PLPPR1: variants seen among roughly 807,000 people sequenced by gnomAD.
The protein encoded by PLPPR1 is phospholipid phosphatase-related protein type 1.
Under a neutral mutation model 33.1 loss-of-function variants are expected in PLPPR1, and 10 were observed. That is an observed-to-expected ratio of 0.30 (90% confidence interval 0.19 to 0.51). The LOEUF is 0.51. Ranked by LOEUF, PLPPR1 falls within the 20% of genes least tolerant of loss-of-function variation. The probability of loss-of-function intolerance (pLI) is 0.97; values close to 1 mark genes in which losing one functional copy is unlikely to be tolerated. For missense variants in PLPPR1, 304 were observed against 408.1 expected (o/e 0.74, Z 2.20); for synonymous variants, 151 against 151.0 (o/e 1.00, Z 0.00).
chr9:101,121,722 G>C (rs929485340), intron 1 of PLPPR1, among the ~76,000 whole-genome samples: 6 of 152,146 alleles, frequency 3.9e-5, no homozygotes, highest in Non-Finnish European at 7.4e-5. Context: ...GATCATCTTA[G>C]ATTTACAAGA....
At chr9:101,083,389 G>GAA (rs11367880) in intron 1 of PLPPR1, among the ~76,000 whole-genome samples, 5 of 124,646 alleles carry the variant, frequency 4.0e-5, no homozygotes, top group Non-Finnish European at 5.1e-5. Context: ...TCCATCTCAA[G>GAA]AAAAAAAAAA....
intron 1 of PLPPR1, among the ~76,000 whole-genome samples, chr9:101,078,765 C>G (rs1486355850): frequency 6.6e-6 from 1 of 152,046 alleles, no homozygotes. Context: ...CCTTTTTGCT[C>G]TCCTCTATCT....
At chr9:101,126,484 G>T (rs1831247827) in intron 1 of PLPPR1, among the ~76,000 whole-genome samples, 1 of 152,174 alleles carries the variant, frequency 6.6e-6, no homozygotes, top group South Asian at 2.1e-4. Flanking sequence ...GCCACGGCGG[G>T]AGACAATTGT....
intron 4 of PLPPR1, among the ~76,000 whole-genome samples, chr9:101,297,135 A>G (rs1828661064): frequency 6.6e-6 from 1 of 152,172 alleles, no homozygotes; most frequent in South Asian, 2.1e-4. Flanking sequence ...TGGGCAAATA[A>G]TTTTTGGCTT....
At chr9:101,262,338 C>T (rs1042396717) in intron 2 of PLPPR1, among the ~76,000 whole-genome samples, 3 of 152,218 alleles carry the variant, frequency 2.0e-5, no homozygotes, top group African/African-American at 7.2e-5. Context: ...GTCCTGTACT[C>T]TTAACCTTTC....
intron 2 of PLPPR1, among the ~76,000 whole-genome samples, chr9:101,194,753 CAA>C (rs11439112): frequency 1.5e-4 from 17 of 116,880 alleles, no homozygotes; most frequent in Admixed American, 1.8e-4. Context: ...AACTCCATCT[CAA>C]AAAAAAAAAA....
intron 1 of PLPPR1, among the ~76,000 whole-genome samples, chr9:101,072,735 A>C (rs1019610161): frequency 6.6e-6 from 1 of 152,182 alleles, no homozygotes; most frequent in Non-Finnish European, 1.5e-5. Context: ...GCCATGGAAA[A>C]CATATGTTAA....
chr9:101,254,991 G>T (rs1442617634), intron 2 of PLPPR1, among the ~76,000 whole-genome samples: 1 of 152,094 alleles, frequency 6.6e-6, no homozygotes, highest in Non-Finnish European at 1.5e-5. Context: ...AAATCTCTTG[G>T]CTGTGCATGG....
chr9:101,147,538 GAAA>G (rs1280630732), intron 1 of PLPPR1, among the ~76,000 whole-genome samples: 1 of 152,066 alleles, frequency 6.6e-6, no homozygotes, highest in Non-Finnish European at 1.5e-5. Context: ...AAATTTAGGA[GAAA>G]AAGAGACCCA....
intron 1 of PLPPR1, among the ~76,000 whole-genome samples, chr9:101,175,008 T>A (rs1459925554): frequency 1.3e-5 from 2 of 152,224 alleles, no homozygotes; most frequent in African/African-American, 4.8e-5. Context: ...AAACAAATTT[T>A]GGTAGCATCT....
Position 101,144,332 on chromosome 9 carries a change from C to T in PLPPR1, c.-45-41118C>T, listed in dbSNP as rs1052437616. On this transcript the variant is annotated intron_variant, in intron 1 of 7. Transcript: ENST00000374874. Reference sequence around the variant, plus strand: ...AATGTAAATGACGAATTAATGGGTGCAGCACACCAACATGGCACATGTATA... The same window carrying T: ...AATGTAAATGACGAATTAATGGGTGTAGCACACCAACATGGCACATGTATA... Among the ~76,000 whole-genome samples the T allele has an allele frequency of 9.9e-5, 15 of 152,128 alleles. No individual in the cohort carries two copies. In the South Asian group the frequency reaches 2.9e-3, roughly 29 times the overall value.
intron 4 of PLPPR1, among the ~76,000 whole-genome samples, chr9:101,304,363 C>T (rs895788806): frequency 6.6e-6 from 1 of 152,152 alleles, no homozygotes; most frequent in African/African-American, 2.4e-5. Flanking sequence ...ATTCATTGAT[C>T]CCACAATTAT....
intron 2 of PLPPR1, among the ~76,000 whole-genome samples, chr9:101,220,757 G>A (rs1402331087): frequency 6.6e-6 from 1 of 152,128 alleles, no homozygotes; most frequent in East Asian, 1.9e-4. Flanking sequence ...ATATTTCACT[G>A]GTTCTCATTG....
At chr9:101,292,480 A>T (rs950863215) in intron 4 of PLPPR1, among the ~76,000 whole-genome samples, 2 of 152,172 alleles carry the variant, frequency 1.3e-5, no homozygotes, top group African/African-American at 4.8e-5. Context: ...ACTCCAAGAC[A>T]CATAATTGTC....
Position 101,270,030 on chromosome 9 carries a change from G to A in PLPPR1, c.214G>A (p.Val72Met), listed in dbSNP as rs753323821. The A allele has an allele frequency of 3.7e-6, 6 of 1,614,074 alleles. No homozygotes were observed. Among genetic ancestry groups the A allele is most frequent in the Middle Eastern group, 1.6e-4 (1 of 6,080 alleles). Reference protein sequence around the residue: ...TEEESFITPLVLYCVLAATPT... With the variant: ...TEEESFITPLMLYCVLAATPT... ...GGAAGAAAGCTTCATCACCCCTCTG[G>A]TGCTCTATTGTGTGCTGGCTGCCAC... is the stretch of plus-strand genomic sequence containing the variant. The change falls in exon 3 of 8, where the codon GTG becomes ATG. Residue 72 changes from valine to methionine, a missense_variant. Coordinates refer to ENST00000374874, the MANE Select transcript of PLPPR1 (RefSeq NM_207299.2).
At chr9:101,185,236 T>G (rs921294897) in intron 1 of PLPPR1, 1 of 392,336 alleles carries the variant, frequency 2.5e-6, no homozygotes, top group African/African-American at 2.1e-5. Flanking sequence ...CTGGTCATTT[T>G]GGCTGTAAAA....
intron 1 of PLPPR1, among the ~76,000 whole-genome samples, chr9:101,045,851 G>T (rs1317848520): frequency 6.6e-6 from 1 of 152,128 alleles, no homozygotes; most frequent in African/African-American, 2.4e-5. Context: ...ACATATGATT[G>T]TTGTAAGGAG....
chr9:101,088,812 C>T (rs546157228), intron 1 of PLPPR1, among the ~76,000 whole-genome samples: 2 of 152,146 alleles, frequency 1.3e-5, no homozygotes, highest in African/African-American at 2.4e-5. Flanking sequence ...TCACTTTTAA[C>T]CTGCTTAGCC....
chr9:101,114,489 A>C (rs903915934), intron 1 of PLPPR1, among the ~76,000 whole-genome samples: 1 of 152,210 alleles, frequency 6.6e-6, no homozygotes, highest in Admixed American at 6.5e-5. Flanking sequence ...TAAGGAATGT[A>C]GCTGGCCCAA....
Sources: allele counts gnomAD v4.1 joint callset (sites outside exome capture counted in the v4.1 genomes callset), GRCh38; gene constraint gnomAD v4.1.1; transcripts MANE v1.5; gene names NCBI Gene and HGNC (gene_info 2026-07-23, HGNC 2026-07-21).